The following ADCY8 variants were observed in gnomAD, a reference collection of about 807,000 sequenced individuals.
ADCY8 encodes adenylate cyclase type 8.
Under a neutral mutation model 119.7 loss-of-function variants are expected in ADCY8, and 51 were observed. That is an observed-to-expected ratio of 0.43 (90% CI 0.34 to 0.54). The LOEUF is 0.54. Ranked by LOEUF, ADCY8 falls within the 20% of genes least tolerant of loss-of-function variation. ADCY8 has a pLI of 0.03. For missense variants in ADCY8, 1,383 were observed against 1,598.8 expected (o/e 0.87, Z 2.30); for synonymous variants, 665 against 651.0 (o/e 1.02, Z -0.33).
chr8:131,038,743 C>T (rs957173687), intron 1 of ADCY8, among the ~76,000 whole-genome samples: 2 of 152,122 alleles, frequency 1.3e-5, no homozygotes, highest in Admixed American at 6.6e-5. Context: ...GCACTGGGGT[C>T]GCATCGTGTC....
intron 5 of ADCY8, among the ~76,000 whole-genome samples, chr8:130,924,245 T>A (rs1055060002): frequency 6.6e-6 from 1 of 152,234 alleles, no homozygotes; most frequent in East Asian, 1.9e-4. Flanking sequence ...CAGCCATAAC[T>A]GAAGCATACC....
At chr8:130,868,087 G>A (rs1206268479) in intron 8 of ADCY8, 141 bp from the exon 9 acceptor site, 7 of 566,120 alleles carry the variant, frequency 1.2e-5, no homozygotes, top group Admixed American at 3.3e-5. Flanking sequence ...CCTTCACAGA[G>A]CATTATCCCC....
At chr8:130,900,315 G>A (rs1484141329) in intron 7 of ADCY8, among the ~76,000 whole-genome samples, 2 of 152,114 alleles carry the variant, frequency 1.3e-5, no homozygotes, top group African/African-American at 4.8e-5. Flanking sequence ...CTCACATAAG[G>A]GGCCACAGAT....
intron 9 of ADCY8, among the ~76,000 whole-genome samples, chr8:130,850,212 C>G (rs1349597335): frequency 2.0e-5 from 3 of 152,126 alleles, no homozygotes; most frequent in African/African-American, 7.2e-5. Flanking sequence ...ATACCAAGAA[C>G]TGGATTTGGC....
chr8:130,946,145 A>G (rs1485396601), intron 3 of ADCY8, among the ~76,000 whole-genome samples: 2 of 152,252 alleles, frequency 1.3e-5, no homozygotes, highest in Non-Finnish European at 2.9e-5. Flanking sequence ...TATGGCAAGA[A>G]TGGTTTACCA....
intron 8 of ADCY8, among the ~76,000 whole-genome samples, chr8:130,878,752 T>C (rs1013616363): frequency 6.6e-6 from 1 of 152,144 alleles, no homozygotes; most frequent in African/African-American, 2.4e-5. Context: ...GTACATAAAT[T>C]TGTCACAAGG....
chr8:130,796,793 C>T (rs1412992944), intron 15 of ADCY8, among the ~76,000 whole-genome samples: 3 of 146,920 alleles, frequency 2.0e-5, no homozygotes, highest in Non-Finnish European at 4.5e-5. Context: ...TTTCATCCTT[C>T]TTCTCTTCAT....
At chr8:130,809,565 C>T (rs1317608500) in intron 14 of ADCY8, among the ~76,000 whole-genome samples, 1 of 129,714 alleles carries the variant, frequency 7.7e-6, no homozygotes, top group African/African-American at 3.0e-5. Context: ...TTCTTTTCCT[C>T]CACCTCCTTG....
At chr8:130,853,253 C>T (rs930957081) in intron 9 of ADCY8, among the ~76,000 whole-genome samples, 14 of 152,256 alleles carry the variant, frequency 9.2e-5, no homozygotes, top group African/African-American at 3.4e-4. Context: ...GGCTGGCCAT[C>T]TCTTCTCTTT....
chr8:131,020,884 C>T (rs1823644771), intron 1 of ADCY8, among the ~76,000 whole-genome samples: 1 of 152,096 alleles, frequency 6.6e-6, no homozygotes, highest in South Asian at 2.1e-4. Context: ...ATAATTGTTG[C>T]CTGGTATTTA....
intron 15 of ADCY8, among the ~76,000 whole-genome samples, chr8:130,796,833 C>T (rs1484144546): frequency 6.6e-6 from 1 of 150,974 alleles, no homozygotes; most frequent in African/African-American, 2.4e-5. Context: ...CCTCTCTCCC[C>T]TCCTCCCCAT....
chr8:130,923,508 G>A (rs1820376786), intron 5 of ADCY8, among the ~76,000 whole-genome samples: 1 of 152,128 alleles, frequency 6.6e-6, no homozygotes, highest in South Asian at 2.1e-4. Flanking sequence ...TCATTCCTAT[G>A]ACTTTTTTAG....
intron 1 of ADCY8, among the ~76,000 whole-genome samples, chr8:131,004,144 G>A (rs1160099606): frequency 2.0e-5 from 3 of 152,192 alleles, no homozygotes; most frequent in African/African-American, 7.2e-5. Flanking sequence ...GAGGGTGGAT[G>A]TAGTCTAGTG....
intron 2 of ADCY8, among the ~76,000 whole-genome samples, chr8:130,985,847 T>C (rs1822387205): frequency 6.6e-6 from 1 of 152,190 alleles, no homozygotes; most frequent in Non-Finnish European, 1.5e-5. Context: ...CAGAATTGCT[T>C]TAATACAGCT....
intron 1 of ADCY8, among the ~76,000 whole-genome samples, chr8:131,030,898 T>C (rs939039730): frequency 2.0e-5 from 3 of 152,226 alleles, no homozygotes; most frequent in African/African-American, 7.2e-5. Flanking sequence ...GGGGAGCTCC[T>C]CAAAGGGGCA....
At chr8:130,884,504 C>A (rs1224392337) in intron 8 of ADCY8, 60 bp downstream of exon 8, 1 of 1,569,322 alleles carries the variant, frequency 6.4e-7, no homozygotes, top group Non-Finnish European at 8.7e-7. Flanking sequence ...TCTCTCTAGT[C>A]CCATGAACAT....
rs193213910 is a variant in ADCY8, at chr8:130,901,002, G to A, written c.1911+2770C>T. 3.5e-4 allele frequency among the ~76,000 whole-genome samples: 53 copies of A among 152,132 alleles called. No individual in the cohort carries two copies. The East Asian group carries it at 7.9e-3, about 23-fold the overall frequency. ...TTTAGTTGGAAGTTCTATCATCGACGCAGTTCCAAGCAAAAAATCTAGAAT... is the reference window on the plus strand; with the variant it reads ...TTTAGTTGGAAGTTCTATCATCGACACAGTTCCAAGCAAAAAATCTAGAAT... On this transcript the variant is annotated intron_variant, in intron 7 of 17. Transcript: ENST00000286355.
intron 15 of ADCY8, among the ~76,000 whole-genome samples, chr8:130,798,834 T>C (rs1815672378): frequency 6.6e-6 from 1 of 151,894 alleles, no homozygotes. Context: ...ACAGGCAAAA[T>C]ACAGAATTAG....
intron 5 of ADCY8, among the ~76,000 whole-genome samples, chr8:130,933,305 T>C (rs1820690331): frequency 6.6e-6 from 1 of 152,242 alleles, no homozygotes; most frequent in African/African-American, 2.4e-5. Flanking sequence ...CAAGCAACTT[T>C]GCAGCTGAAT....
Sources: allele counts gnomAD v4.1 joint callset (sites outside exome capture counted in the v4.1 genomes callset), GRCh38; gene constraint gnomAD v4.1.1; transcripts MANE v1.5; gene names NCBI Gene and HGNC (gene_info 2026-07-23, HGNC 2026-07-21).